CTNNA3: variants seen among roughly 807,000 people sequenced by gnomAD.
CTNNA3 encodes catenin alpha 3, also known as catenin alpha-3.
CTNNA3 carries 76 observed loss-of-function variants against 95.7 expected under a neutral mutation model. That is an observed-to-expected ratio of 0.79 (90% CI 0.66 to 0.96). CTNNA3 has a LOEUF of 0.96. Among genes scored for constraint, CTNNA3 ranks in the 40% least tolerant of loss-of-function variants. CTNNA3 has a pLI of 0.00. For synonymous variants in CTNNA3, 431 were observed against 374.4 expected (o/e 1.15, Z -1.74); for missense variants, 1,191 against 1,089.8 (o/e 1.09, Z -1.31).
chr10:66,112,402 A>G (rs1256361756), intron 13 of CTNNA3, among the ~76,000 whole-genome samples: 2 of 152,102 alleles, frequency 1.3e-5, no homozygotes, highest in Non-Finnish European at 2.9e-5. Flanking sequence ...TATAATTCAA[A>G]ACTGCCTCCA....
chr10:66,446,389 C>T (rs2131808708), intron 11 of CTNNA3, among the ~76,000 whole-genome samples: 1 of 151,952 alleles, frequency 6.6e-6, no homozygotes, highest in African/African-American at 2.4e-5. Context: ...AATTTTAGAC[C>T]AATATCCTTG....
chr10:67,543,495 T>C lies in CTNNA3; in HGVS notation c.293-3826A>G, dbSNP rs2133210814. Among the ~76,000 whole-genome samples, 4 of 152,226 alleles carry C rather than the reference T, an allele frequency of 2.6e-5. No individual in the cohort carries two copies. In the Middle Eastern group the frequency reaches 0.014, roughly 518 times the overall value. On this transcript the variant is annotated intron_variant, in intron 3 of 17. Transcript: ENST00000433211. ...ATTCTACTTTCTAAAAGTGCTTATA[T>C]TGATTATAAACTTAAAAGTCAAGGA...
At chr10:67,690,895 C>G (rs558976334) in intron 1 of CTNNA3, among the ~76,000 whole-genome samples, 1 of 152,162 alleles carries the variant, frequency 6.6e-6, no homozygotes, top group East Asian at 1.9e-4. Flanking sequence ...TCCCTCTCCC[C>G]ACGGTCTCCC....
chr10:65,940,957 A>G (rs905602628), intron 17 of CTNNA3, among the ~76,000 whole-genome samples: 2 of 152,244 alleles, frequency 1.3e-5, no homozygotes, highest in Non-Finnish European at 2.9e-5. Context: ...TGCCAAAAGT[A>G]TTATATCCAT....
At chr10:67,414,272 A>G (rs1206813773) in intron 5 of CTNNA3, among the ~76,000 whole-genome samples, 3 of 152,124 alleles carry the variant, frequency 2.0e-5, no homozygotes, top group Non-Finnish European at 4.4e-5. Flanking sequence ...TCCCACAGAA[A>G]TACAAAAGAA....
intron 7 of CTNNA3, among the ~76,000 whole-genome samples, chr10:67,063,906 T>C (rs930093446): frequency 1.3e-4 from 20 of 152,168 alleles, no homozygotes; most frequent in African/African-American, 4.8e-4. Context: ...GGAAACTGAT[T>C]TGATATGTTT....
intron 5 of CTNNA3, among the ~76,000 whole-genome samples, chr10:67,308,214 T>C (rs147732660): frequency 1.0e-3 from 153 of 152,334 alleles, no homozygotes; most frequent in Non-Finnish European, 7.4e-4. Flanking sequence ...TACATTGATA[T>C]GGCTTAGCTG....
chr10:67,642,584 G>A (rs1353915276), intron 2 of CTNNA3, among the ~76,000 whole-genome samples: 1 of 152,020 alleles, frequency 6.6e-6, no homozygotes, highest in African/African-American at 2.4e-5. Context: ...CGGGTATGGT[G>A]GCATGTGCCT....
chr10:65,948,198 A>G (rs1218808764), intron 17 of CTNNA3, among the ~76,000 whole-genome samples: 20 of 150,244 alleles, frequency 1.3e-4, no homozygotes, highest in Admixed American at 2.0e-4. Flanking sequence ...GGAGAATGGC[A>G]TGACCCCGGG....
intron 7 of CTNNA3, among the ~76,000 whole-genome samples, chr10:66,957,206 C>G (rs1315883577): frequency 6.6e-6 from 1 of 151,864 alleles, no homozygotes; most frequent in African/African-American, 2.4e-5. Context: ...AGATATCTCC[C>G]ACAGTCTGGC....
In CTNNA3 at chr10:66,791,661, C is replaced by A. The variant is rs529608814; in HGVS notation, c.1048-16137G>T. 3.3e-5 allele frequency among the ~76,000 whole-genome samples: 5 copies of A among 152,292 alleles called. No homozygotes were observed. In the East Asian group the frequency reaches 5.8e-4, roughly 18 times the overall value. ...GAAGAGGAATAAATCTGCTTTTATT[C>A]ACTGCTCTCCTCACCCCCAGCATGT... On this transcript the variant is annotated intron_variant, in intron 7 of 17. Coordinates refer to ENST00000433211, the MANE Select transcript of CTNNA3 (RefSeq NM_013266.4).
rs1233954532 is a variant in CTNNA3, at chr10:67,389,350, A to G, written c.579+132492T>C. ...TAATGGTAAAGGGATCAATTCAACA[A>G]GAAGAGCTAACTATCCTAAATATAT... On this transcript the variant is annotated intron_variant, in intron 5 of 17. Coordinates refer to ENST00000433211, the MANE Select transcript of CTNNA3 (RefSeq NM_013266.4). Among the ~76,000 whole-genome samples the G allele has an allele frequency of 5.4e-3, 811 of 150,382 alleles. 4 individuals carry two copies. Among genetic ancestry groups the G allele is most frequent in the African/African-American group, 0.018 (760 of 41,300 alleles).
intron 4 of CTNNA3, among the ~76,000 whole-genome samples, chr10:67,534,746 G>A (rs994453468): frequency 1.3e-5 from 2 of 152,098 alleles, no homozygotes; most frequent in Admixed American, 1.3e-4. Flanking sequence ...AATAGAGACA[G>A]AAAGACAATC....
chr10:67,336,282 G>A (rs1370433958), intron 5 of CTNNA3, among the ~76,000 whole-genome samples: 3 of 152,046 alleles, frequency 2.0e-5, no homozygotes, highest in Non-Finnish European at 2.9e-5. Flanking sequence ...AACTGTAGCA[G>A]GTCTGTCACT....
At chr10:66,698,001 G>A (rs1847825955) in intron 9 of CTNNA3, among the ~76,000 whole-genome samples, 1 of 152,016 alleles carries the variant, frequency 6.6e-6, no homozygotes, top group Non-Finnish European at 1.5e-5. Flanking sequence ...GCCATTCCAA[G>A]GAAACAGGCC....
chr10:66,870,858 CAA>C (rs1844373542), intron 7 of CTNNA3, among the ~76,000 whole-genome samples: 1 of 152,136 alleles, frequency 6.6e-6, no homozygotes, highest in Non-Finnish European at 1.5e-5. Context: ...AATTCAACAA[CAA>C]AGTCAGAAGT....
At chr10:66,785,171 T>C (rs760631015) in intron 7 of CTNNA3, among the ~76,000 whole-genome samples, 3 of 152,146 alleles carry the variant, frequency 2.0e-5, no homozygotes, top group Non-Finnish European at 4.4e-5. Context: ...CTGGATTTCA[T>C]AAATAAGCAG....
chr10:67,485,106 G>C (rs1482696234), intron 5 of CTNNA3, among the ~76,000 whole-genome samples: 1 of 152,172 alleles, frequency 6.6e-6, no homozygotes, highest in African/African-American at 2.4e-5. Flanking sequence ...AGAAGACACA[G>C]TACATATAGA....
At chr10:66,902,006 C>G (rs898446980) in intron 7 of CTNNA3, among the ~76,000 whole-genome samples, 1 of 152,166 alleles carries the variant, frequency 6.6e-6, no homozygotes, top group Non-Finnish European at 1.5e-5. Context: ...ATGGTTTGAA[C>G]TCAGCTCTGT....
Sources: allele counts gnomAD v4.1 joint callset (sites outside exome capture counted in the v4.1 genomes callset), GRCh38; gene constraint gnomAD v4.1.1; transcripts MANE v1.5; gene names NCBI Gene and HGNC (gene_info 2026-07-23, HGNC 2026-07-21).